The following AGBL4 variants were observed in gnomAD, a reference collection of about 807,000 sequenced individuals.
AGBL4 encodes cytosolic carboxypeptidase 6.
AGBL4 carries 58 observed loss-of-function variants against 66.4 expected under a neutral mutation model. The ratio of observed to expected loss-of-function variants is 0.87; its 90% CI spans 0.71 to 1.09. The LOEUF is 1.09. AGBL4 is among the 50% of genes least tolerant of loss of function. AGBL4 has a pLI of 0.00. For missense variants in AGBL4, 579 were observed against 631.0 expected (o/e 0.92, Z 0.88); for synonymous variants, 234 against 222.9 (o/e 1.05, Z -0.44).
At chr1:48,606,501 T>C (rs76307527) in intron 9 of AGBL4, among the ~76,000 whole-genome samples, 2 of 152,166 alleles carry the variant, frequency 1.3e-5, no homozygotes, top group Non-Finnish European at 2.9e-5. Flanking sequence ...AACATCATAG[T>C]AGAAGATGGG....
intron 6 of AGBL4, among the ~76,000 whole-genome samples, chr1:48,752,520 C>A (rs958848226): frequency 4.6e-5 from 7 of 152,098 alleles, no homozygotes; most frequent in Non-Finnish European, 5.9e-5. Flanking sequence ...TAAGGACTTA[C>A]AAGGGGAAAC....
At chr1:49,780,699 A>T (rs1368668555) in intron 2 of AGBL4, among the ~76,000 whole-genome samples, 1 of 152,158 alleles carries the variant, frequency 6.6e-6, no homozygotes, top group Non-Finnish European at 1.5e-5. Context: ...GGACATTGTA[A>T]GTGTAAGAGC....
At chr1:49,940,232 G>A (rs1654599281) in intron 1 of AGBL4, among the ~76,000 whole-genome samples, 1 of 152,168 alleles carries the variant, frequency 6.6e-6, no homozygotes, top group South Asian at 2.1e-4. Context: ...GGAGAAATAG[G>A]AACACTTTTA....
chr1:48,764,372 T>C (rs1246616501), intron 6 of AGBL4, among the ~76,000 whole-genome samples: 2 of 152,216 alleles, frequency 1.3e-5, no homozygotes, highest in African/African-American at 2.4e-5. Flanking sequence ...TGTTAAAAAC[T>C]TGAGCAGAGT....
intron 3 of AGBL4, among the ~76,000 whole-genome samples, chr1:49,345,401 A>G (rs1645616882): frequency 6.6e-6 from 1 of 152,124 alleles, no homozygotes; most frequent in Non-Finnish European, 1.5e-5. Flanking sequence ...TCATCTTTAA[A>G]GGGCAGTTTA....
In AGBL4 at chr1:48,727,716, T is replaced by A. The variant is rs561238990; in HGVS notation, c.635-64475A>T. 1.8e-4 allele frequency: 84 copies of A among 468,062 alleles called. 1 individual carries two copies. Among genetic ancestry groups the A allele is most frequent in the Non-Finnish European group, 2.0e-4 (56 of 273,736 alleles). The allele number at this position is 468,062 out of a possible 1,614,324, so 29.0% of individuals were successfully genotyped here. ...CTGCTCCTGAGTCTCAGCAAAGCCA[T>A]CTGTCGTCTTTGGAGTGTCCACATT... On this transcript the variant is annotated intron_variant, in intron 6 of 13. Coordinates refer to ENST00000371839, the MANE Select transcript of AGBL4 (RefSeq NM_032785.4).
intron 5 of AGBL4, among the ~76,000 whole-genome samples, chr1:48,989,405 T>G (rs1474741365): frequency 6.6e-6 from 1 of 152,124 alleles, no homozygotes; most frequent in Non-Finnish European, 1.5e-5. Flanking sequence ...TATTTTTAAA[T>G]GTACAATTAA....
At chr1:49,372,082 T>C (rs1419460557) in intron 3 of AGBL4, among the ~76,000 whole-genome samples, 2 of 152,108 alleles carry the variant, frequency 1.3e-5, no homozygotes, top group African/African-American at 4.8e-5. Context: ...GATAAATGGG[T>C]GGCATATCCT....
At chr1:49,224,768 GAC>G (rs1649776082) in intron 4 of AGBL4, among the ~76,000 whole-genome samples, 1 of 152,132 alleles carries the variant, frequency 6.6e-6, no homozygotes, top group Non-Finnish European at 1.5e-5. Flanking sequence ...AGACAAGTCA[GAC>G]ACAGTCTCTA....
At chr1:48,898,812 T>G (rs1275285805) in intron 5 of AGBL4, among the ~76,000 whole-genome samples, 1 of 152,200 alleles carries the variant, frequency 6.6e-6, no homozygotes, top group Non-Finnish European at 1.5e-5. Context: ...AATGATGCCC[T>G]TTGTGTTTGA....
At chr1:48,627,267 C>T (rs1001790667) in intron 9 of AGBL4, among the ~76,000 whole-genome samples, 2 of 152,176 alleles carry the variant, frequency 1.3e-5, no homozygotes, top group Admixed American at 1.3e-4. Flanking sequence ...TTTTGTATGT[C>T]TCCTTGGTGT....
intron 3 of AGBL4, among the ~76,000 whole-genome samples, chr1:49,588,742 A>C (rs1474804615): frequency 6.6e-6 from 1 of 152,198 alleles, no homozygotes; most frequent in Admixed American, 6.5e-5. Flanking sequence ...GGTACTGAAG[A>C]ATTCATAATG....
At position 48,539,724 on chromosome 1, in the gene AGBL4, G is replaced by A. The variant is rs779424270; in HGVS notation, c.1282C>T (p.Arg428Trp). The A allele has an allele frequency of 6.2e-5, 95 of 1,539,766 alleles. 2 individuals carry two copies. In the Admixed American group the frequency reaches 8.3e-4, roughly 13 times the overall value. ...TCCAAAAAGGTTCTTGCCACATTCCGCCCCAGCTTCATATCTGCAGGTGTG... is the reference window on the plus strand; with the variant it reads ...TCCAAAAAGGTTCTTGCCACATTCCACCCCAGCTTCATATCTGCAGGTGTG... ...YTEEAYMKLG[R>W]NVARTFLDYY... The change falls in exon 12 of 14, where the codon CGG becomes TGG. Residue 428 changes from arginine (R) to tryptophan (W), a missense_variant. Transcript: ENST00000371839.
intron 6 of AGBL4, among the ~76,000 whole-genome samples, chr1:48,702,068 C>T (rs1646810993): frequency 6.6e-6 from 1 of 152,176 alleles, no homozygotes; most frequent in Non-Finnish European, 1.5e-5. Flanking sequence ...AATTTCAGCA[C>T]TCCACCTCTG....
intron 3 of AGBL4, among the ~76,000 whole-genome samples, chr1:49,662,994 C>T (rs957339586): frequency 1.3e-5 from 2 of 152,062 alleles, no homozygotes; most frequent in African/African-American, 4.8e-5. Flanking sequence ...TTGGCACATA[C>T]TGGGTTTAGA....
chr1:49,275,290 A>G (rs1468913097), intron 3 of AGBL4, among the ~76,000 whole-genome samples: 2 of 152,150 alleles, frequency 1.3e-5, no homozygotes, highest in Non-Finnish European at 1.5e-5. Flanking sequence ...AAAATATATC[A>G]CTTTCTGACA....
At chr1:49,493,646 C>A (rs1570861828) in intron 3 of AGBL4, among the ~76,000 whole-genome samples, 1 of 151,900 alleles carries the variant, frequency 6.6e-6, no homozygotes, top group Non-Finnish European at 1.5e-5. Context: ...AAGGAGAGAA[C>A]CATGTGAGAG....
At chr1:49,555,530 C>G (rs557729535) in intron 3 of AGBL4, among the ~76,000 whole-genome samples, 1 of 146,938 alleles carries the variant, frequency 6.8e-6, no homozygotes, top group South Asian at 2.3e-4. Context: ...GTAAATGCAC[C>G]AATCAGCACT....
chr1:49,219,718 A>G (rs1251671786), intron 4 of AGBL4, among the ~76,000 whole-genome samples: 1 of 152,160 alleles, frequency 6.6e-6, no homozygotes, highest in African/African-American at 2.4e-5. Context: ...TTTCTAAGCA[A>G]TGTGTTTAAC....
Sources: gnomAD v4.1 joint callset for allele counts (sites outside exome capture counted in the v4.1 genomes callset) on GRCh38, gnomAD v4.1.1 for gene constraint, MANE v1.5 for transcripts, NCBI Gene and HGNC (gene_info 2026-07-23, HGNC 2026-07-21) for gene names.